FAM178B: variants seen among roughly 807,000 people sequenced by gnomAD.
The protein encoded by FAM178B is family with sequence similarity 178 member B.
In FAM178B, 82 loss-of-function variants were observed where a neutral mutation model predicts 91.7. That is an observed-to-expected ratio of 0.89 (90% confidence interval 0.75 to 1.07). The LOEUF is 1.07. Ranked by LOEUF, FAM178B falls within the 50% of genes least tolerant of loss-of-function variation. The probability of loss-of-function intolerance (pLI) is 0.00; values close to 1 mark genes in which losing one functional copy is unlikely to be tolerated. For synonymous variants in FAM178B, 368 were observed against 359.4 expected (o/e 1.02, Z -0.27); for missense variants, 769 against 846.7 (o/e 0.91, Z 1.14).
intron 1 of FAM178B, among the ~76,000 whole-genome samples, chr2:96,976,282 A>G (rs2082287536): frequency 6.6e-6 from 1 of 151,056 alleles, no homozygotes; most frequent in South Asian, 2.1e-4. Flanking sequence ...TTTAGTAGAG[A>G]TGGGGTTTCA....
intron 1 of FAM178B, among the ~76,000 whole-genome samples, chr2:96,981,550 G>A (rs1251248031): frequency 2.0e-5 from 3 of 151,918 alleles, no homozygotes; most frequent in African/African-American, 7.2e-5. Context: ...AGGAGATCGA[G>A]GTCACCCTGG....
rs979049639 is a variant in FAM178B, at chr2:96,967,640, G to A, written c.627-13C>T. 6 of 1,526,852 alleles carry A rather than the reference G, an allele frequency of 3.9e-6. No homozygotes were observed. The highest frequency in any genetic ancestry group is 1.2e-5 in the South Asian group (1 of 83,610). The allele number at this position is 1,526,852 out of a possible 1,614,324, so 94.6% of individuals were successfully genotyped here. A position where few individuals can be genotyped will look rare whatever the true frequency, so the allele number is the denominator to read the frequency against. On this transcript the variant is annotated splice_polypyrimidine_tract_variant and intron_variant, in intron 4 of 16. Transcript: ENST00000490605. ...CAGGGCCTGTTCCCTATAGGAAGTC[G>A]AGGGCCAGAGCCGGGGGTCAGTGTT...
chr2:96,955,004 C>T (rs759290975), intron 6 of FAM178B, among the ~76,000 whole-genome samples: 1 of 152,126 alleles, frequency 6.6e-6, no homozygotes, highest in Admixed American at 6.5e-5. Flanking sequence ...GAGCTGTGAT[C>T]GTACTACTGC....
At chr2:96,932,409 T>C (rs1174631607) in intron 8 of FAM178B, among the ~76,000 whole-genome samples, 1 of 152,162 alleles carries the variant, frequency 6.6e-6, no homozygotes, top group Non-Finnish European at 1.5e-5. Context: ...GCTGGTGACT[T>C]GAGGACAGGA....
In FAM178B at chr2:96,924,448, T is replaced by C. The variant is rs549848766; in HGVS notation, c.1194-865A>G. On this transcript the variant is annotated intron_variant, in intron 9 of 16. Coordinates refer to ENST00000490605, the MANE Select transcript of FAM178B (RefSeq NM_001122646.3). ...CCCCGAGTGACGGACCCAATCTGGC[T>C]GAGCACCAGATGATGTTAGAGACCA... Among the ~76,000 whole-genome samples the C allele has an allele frequency of 1.1e-4, 17 of 152,306 alleles. No individual in the cohort carries two copies. In the South Asian group the frequency reaches 3.5e-3, roughly 32 times the overall value.
chr2:96,935,857 A>G (rs2081616715), intron 8 of FAM178B, among the ~76,000 whole-genome samples: 1 of 151,380 alleles, frequency 6.6e-6, no homozygotes, highest in Non-Finnish European at 1.5e-5. Context: ...GCTGGTCTCG[A>G]ACTCCTGACC....
rs190591261 is a variant in FAM178B at position 96,883,811 on chromosome 2, G to A, written c.1777-5318C>T. On this transcript the variant is annotated intron_variant, in intron 14 of 16. Transcript: ENST00000490605. The stretch of plus-strand genomic sequence containing the variant: ...TCTGGCCTGGGGTACCAGGAGCCAG[G>A]GGGGGTCCTCTTGCTTTCTCCTTTC... 2.2e-4 allele frequency among the ~76,000 whole-genome samples: 34 copies of A among 152,308 alleles called. No individual in the cohort carries two copies. In the South Asian group the frequency reaches 3.3e-3, roughly 15 times the overall value.
intron 12 of FAM178B, among the ~76,000 whole-genome samples, chr2:96,912,680 C>G (rs368709166): frequency 6.6e-6 from 1 of 152,348 alleles, no homozygotes; most frequent in East Asian, 1.9e-4. Context: ...CCATGTCCCC[C>G]TCCTGGCGAT....
intron 6 of FAM178B, among the ~76,000 whole-genome samples, chr2:96,955,333 AC>A (rs780776116): frequency 1.3e-5 from 2 of 152,184 alleles, no homozygotes; most frequent in East Asian, 1.9e-4. Flanking sequence ...ACACAGTGAA[AC>A]CCCGTCTCTA....
chr2:96,956,969 C>T (rs1230204611), intron 6 of FAM178B, among the ~76,000 whole-genome samples: 1 of 152,190 alleles, frequency 6.6e-6, no homozygotes, highest in Non-Finnish European at 1.5e-5. Context: ...AGCAATTGTC[C>T]CTTCTCAGCC....
intron 1 of FAM178B, among the ~76,000 whole-genome samples, chr2:96,976,254 C>T (rs1035272330): frequency 1.3e-5 from 2 of 151,584 alleles, no homozygotes; most frequent in Non-Finnish European, 2.9e-5. Context: ...CCACCATGCC[C>T]GGCTAATTTT....
intron 5 of FAM178B, among the ~76,000 whole-genome samples, chr2:96,961,104 C>A (rs2082074674): frequency 6.6e-6 from 1 of 151,994 alleles, no homozygotes; most frequent in African/African-American, 2.4e-5. Flanking sequence ...TGGGAGCTGG[C>A]CCCATGGACA....
chr2:96,884,232 C>G (rs910311849), intron 14 of FAM178B, among the ~76,000 whole-genome samples: 2 of 152,172 alleles, frequency 1.3e-5, no homozygotes, highest in African/African-American at 4.8e-5. Flanking sequence ...GTGCACGACC[C>G]TGTGTCCAGG....
rs574956195 is a variant in FAM178B at position 96,962,242 on chromosome 2, C to T, written c.735-1802G>A. Among the ~76,000 whole-genome samples, 137 of 152,048 alleles carry T rather than the reference C, an allele frequency of 9.0e-4. 1 individual carries two copies. The highest frequency in any genetic ancestry group is 3.3e-3 in the African/African-American group (135 of 41,478). On this transcript the variant is annotated intron_variant, in intron 5 of 16. Coordinates refer to ENST00000490605, the MANE Select transcript of FAM178B (RefSeq NM_001122646.3). ...GCTTGAATCTGGGAGGTGGATGTTG[C>T]GGTAAGCCGAGATTGCACCGCTGCA...
Position 96,897,397 on chromosome 2 carries a change from G to A in FAM178B, c.1651-3346C>T, listed in dbSNP as rs181071175. Among the ~76,000 whole-genome samples the A allele has an allele frequency of 2.0e-4, 30 of 152,286 alleles. No individual in the cohort carries two copies. In the East Asian group the frequency reaches 4.8e-3, roughly 24 times the overall value. On this transcript the variant is annotated intron_variant, in intron 13 of 16. Coordinates refer to ENST00000490605, the MANE Select transcript of FAM178B (RefSeq NM_001122646.3). ...AGATGCAAACCTTTATCCCCGATTT[G>A]AGCCACCCGAAGCCCACGTTTTCCA...
At chr2:96,977,251 G>A (rs1156918868) in intron 1 of FAM178B, among the ~76,000 whole-genome samples, 7 of 149,112 alleles carry the variant, frequency 4.7e-5, no homozygotes, top group African/African-American at 1.5e-4. Context: ...CAGGCGTGGT[G>A]GCATGAGCCT....
chr2:96,884,306 G>A (rs901034660), intron 14 of FAM178B, among the ~76,000 whole-genome samples: 49 of 152,322 alleles, frequency 3.2e-4, no homozygotes, highest in African/African-American at 9.6e-4. Context: ...CAAGCTCCCC[G>A]GGTGTGCGTG....
intron 12 of FAM178B, among the ~76,000 whole-genome samples, chr2:96,906,831 A>G (rs1399945047): frequency 6.6e-6 from 1 of 152,206 alleles, no homozygotes; most frequent in Non-Finnish European, 1.5e-5. Context: ...TGGGAGGTCA[A>G]TGGCCCCTCT....
At chr2:96,975,674 G>A (rs990491256) in intron 1 of FAM178B, among the ~76,000 whole-genome samples, 9 of 152,188 alleles carry the variant, frequency 5.9e-5, no homozygotes, top group African/African-American at 1.9e-4. Flanking sequence ...CTATCAAGCT[G>A]TATATTTGTA....
Sources: gnomAD v4.1 joint callset for allele counts (sites outside exome capture counted in the v4.1 genomes callset) on GRCh38, gnomAD v4.1.1 for gene constraint, MANE v1.5 for transcripts, NCBI Gene and HGNC (gene_info 2026-07-23, HGNC 2026-07-21) for gene names.